SIN3A: variants seen among roughly 807,000 people sequenced by gnomAD.
SIN3A encodes paired amphipathic helix protein Sin3a.
Under a neutral mutation model 146.1 loss-of-function variants are expected in SIN3A, and 14 were observed. The observed-to-expected ratio is 0.10, with a 90% CI of 0.06 to 0.15. SIN3A has a LOEUF of 0.15. Among genes scored for constraint, SIN3A ranks in the 10% least tolerant of loss-of-function variants. The pLI is 1.00. For missense variants in SIN3A, 1,028 were observed against 1,576.0 expected (o/e 0.65, Z 5.89); for synonymous variants, 572 against 572.0 (o/e 1.00, Z 0.00).
intron 19 of SIN3A, among the ~76,000 whole-genome samples, chr15:75,378,136 T>C (rs532660948): frequency 1.3e-5 from 2 of 152,344 alleles, no homozygotes; most frequent in Admixed American, 6.5e-5. Flanking sequence ...ATTTTCCAAA[T>C]AGCCAATTGC....
At chr15:75,439,163 G>A (rs1324895116) in intron 1 of SIN3A, among the ~76,000 whole-genome samples, 2 of 152,066 alleles carry the variant, frequency 1.3e-5, no homozygotes, top group Non-Finnish European at 2.9e-5. Flanking sequence ...GACATTTTTG[G>A]TTGTCACAAC....
intron 13 of SIN3A, 60 bp downstream of exon 13, chr15:75,396,198 T>G: frequency 3.8e-5 from 44 of 1,169,904 alleles, no homozygotes; most frequent in Non-Finnish European, 4.8e-5. Context: ...CCTTATTTAA[T>G]GAGACACTGA....
chr15:75,377,939 A>T (rs933674382), intron 19 of SIN3A, among the ~76,000 whole-genome samples: 1 of 152,224 alleles, frequency 6.6e-6, no homozygotes. Flanking sequence ...AATGTTGCCA[A>T]TGGTAAGACT....
chr15:75,435,866 T>C (rs2074099248), intron 1 of SIN3A, among the ~76,000 whole-genome samples: 1 of 152,108 alleles, frequency 6.6e-6, no homozygotes, highest in African/African-American at 2.4e-5. Flanking sequence ...GATTCATGCC[T>C]GTAATCCCAA....
At chr15:75,450,793 G>A (rs1595936389) in intron 1 of SIN3A, among the ~76,000 whole-genome samples, 1 of 152,208 alleles carries the variant, frequency 6.6e-6, no homozygotes, top group South Asian at 2.1e-4. Context: ...AGATCTAGGC[G>A]CCGAGACTCC....
Position 75,401,895 on chromosome 15 carries a change from T to C in SIN3A, c.1483A>G (p.Ile495Val). 1.2e-6 allele frequency: 2 copies of C among 1,613,998 alleles called. No individual in the cohort carries two copies. Among genetic ancestry groups the C allele is most frequent in the South Asian group, 1.1e-5 (1 of 91,078 alleles). Residue 495 changes from isoleucine to valine, a missense_variant, in exon 10 of 21, where the codon ATC becomes GTC. Transcript: ENST00000394947. ...RCLVIFNQEV[I>V]SRAELVQLVS... ...AGTTGCACAAGCTCAGCACGAGAGA[T>C]CACCTCCTGGTTAAAAATAACAAGA... is the stretch of plus-strand genomic sequence containing the variant.
upstream of SIN3A, chr15:75,455,133 G>C (rs956575347): frequency 6.7e-6 from 1 of 150,118 alleles, no homozygotes; most frequent in Admixed American, 6.6e-5. Context: ...CCTCTCCGGA[G>C]CGCGCCCACC....
chr15:75,381,467 A>G (rs1351245545), intron 18 of SIN3A, 146 bp downstream of exon 18: 171 of 627,850 alleles, frequency 2.7e-4, no homozygotes, highest in East Asian at 6.2e-4. Flanking sequence ...ACATGGCTGG[A>G]TTGACTTGTA....
chr15:75,411,240 A>G (rs2073633101), intron 6 of SIN3A, among the ~76,000 whole-genome samples: 1 of 152,206 alleles, frequency 6.6e-6, no homozygotes, highest in African/African-American at 2.4e-5. Context: ...AGGCAGGAGT[A>G]TCACTTGAGC....
intron 2 of SIN3A, among the ~76,000 whole-genome samples, chr15:75,423,375 T>C (rs2073872340): frequency 6.6e-6 from 1 of 152,160 alleles, no homozygotes; most frequent in Non-Finnish European, 1.5e-5. Flanking sequence ...ACAAAATTAT[T>C]TGTAGCTATT....
chr15:75,374,245 C>T (rs2072812240), intron 20 of SIN3A, among the ~76,000 whole-genome samples: 1 of 152,100 alleles, frequency 6.6e-6, no homozygotes, highest in Admixed American at 6.5e-5. Context: ...CCTGTAATCC[C>T]AGTACTTTGG....
chr15:75,427,072 TA>T (rs891076200), intron 2 of SIN3A, among the ~76,000 whole-genome samples: 2 of 151,580 alleles, frequency 1.3e-5, no homozygotes, highest in Admixed American at 6.6e-5. Flanking sequence ...ATCCTTTTTT[TA>T]AAAAAAAATC....
chr15:75,375,905 C>T (rs1447572426), intron 19 of SIN3A, 33 bp from the exon 20 acceptor site: 32 of 1,606,866 alleles, frequency 2.0e-5, no homozygotes, highest in Non-Finnish European at 2.7e-5. Context: ...GATGAGAGCT[C>T]GTCCAGATGC....
At chr15:75,384,548 T>G (rs989674665) in intron 16 of SIN3A, 111 bp from the exon 17 acceptor site, 124 of 12,472 alleles carry the variant, frequency 9.9e-3, no homozygotes, top group East Asian at 0.04. Flanking sequence ...TTTCTTTTTT[T>G]GGGGGGGTGG....
intron 14 of SIN3A, among the ~76,000 whole-genome samples, chr15:75,393,844 G>A (rs2073253968): frequency 6.6e-6 from 1 of 152,082 alleles, no homozygotes; most frequent in Admixed American, 6.5e-5. Flanking sequence ...ATCTTGCTCT[G>A]TCACCCAGAC....
chr15:75,387,351 T>TC (rs1280807380), intron 16 of SIN3A, among the ~76,000 whole-genome samples: 1 of 151,842 alleles, frequency 6.6e-6, no homozygotes, highest in African/African-American at 2.4e-5. Flanking sequence ...ATGGCAAAAC[T>TC]CCATCTCTAC....
At chr15:75,439,876 TG>T (rs1249634826) in intron 1 of SIN3A, among the ~76,000 whole-genome samples, 5 of 151,854 alleles carry the variant, frequency 3.3e-5, no homozygotes, top group Middle Eastern at 3.4e-3. Flanking sequence ...TAACGCCAAG[TG>T]TGGTGGCTCA....
intron 9 of SIN3A, among the ~76,000 whole-genome samples, chr15:75,406,619 C>T (rs1005535869): frequency 6.6e-6 from 1 of 152,040 alleles, no homozygotes. Context: ...CCCCAGGAGG[C>T]GGAGCCTGCA....
rs2073647004 is a variant in SIN3A, at chr15:75,411,885, C to G, written c.757-142G>C. On this transcript the variant is annotated intron_variant, in intron 5 of 20. Transcript: ENST00000394947. ...CAGGTCATTTTAGTCCAACACAAAT[C>G]ATACTGGGCAGCAGTGGGAGTTGTA... 30 of 770,156 alleles carry G rather than the reference C, an allele frequency of 3.9e-5. 1 individual carries two copies. The South Asian group carries it at 6.9e-4, about 18-fold the overall frequency. The allele number at this position is 770,156 out of a possible 1,614,324, so 47.7% of individuals were successfully genotyped here.
Sources: allele counts gnomAD v4.1 joint callset (sites outside exome capture counted in the v4.1 genomes callset), GRCh38; gene constraint gnomAD v4.1.1; transcripts MANE v1.5; gene names NCBI Gene and HGNC (gene_info 2026-07-23, HGNC 2026-07-21).